The following PUM3 variants were observed in gnomAD, a reference collection of about 807,000 sequenced individuals.
PUM3 encodes the protein pumilio RNA binding family member 3.
PUM3 carries 91 observed loss-of-function variants against 84.0 expected under a neutral mutation model. That is an observed-to-expected ratio of 1.08 (90% confidence interval 0.91 to 1.29). The LOEUF (loss-of-function observed/expected upper bound fraction) is 1.29. Among genes scored for constraint, PUM3 ranks in the 50% most tolerant of loss-of-function variants. PUM3 has a pLI of 0.00. For missense variants in PUM3, 1,067 were observed against 767.5 expected, an observed-to-expected ratio of 1.39 and a Z score of -4.61; for synonymous variants, 321 against 266.7, an observed-to-expected ratio of 1.20 and a Z score of -1.98.
At chr9:2,831,722 T>C (rs1815986752) in intron 5 of PUM3, among the ~76,000 whole-genome samples, 1 of 152,214 alleles carries the variant, frequency 6.6e-6, no homozygotes, top group African/African-American at 2.4e-5. Context: ...TCTGTTACTG[T>C]ATGATTTTTA....
chr9:2,815,575 G>A (rs891972320), intron 13 of PUM3, among the ~76,000 whole-genome samples: 2 of 152,206 alleles, frequency 1.3e-5, no homozygotes, highest in African/African-American at 4.8e-5. Flanking sequence ...AAAAGGAAAT[G>A]ATACACCTGC....
rs571369595 is a variant in PUM3 at position 2,807,038 on chromosome 9, C to A, written c.1814+776G>T. Among the ~76,000 whole-genome samples the A allele has an allele frequency of 4.6e-5, 7 of 151,968 alleles. No homozygotes were observed. In the East Asian group the frequency reaches 1.4e-3, roughly 30 times the overall value. Reference sequence around the variant, plus strand: ...CCTGGCTAACACGGTGAAACCAGGTCTCTACTAAAAATAAAAAAAATTAGC... The same window carrying A: ...CCTGGCTAACACGGTGAAACCAGGTATCTACTAAAAATAAAAAAAATTAGC... On this transcript the variant is annotated intron_variant, in intron 17 of 17. Coordinates refer to ENST00000397885, the MANE Select transcript of PUM3 (RefSeq NM_014878.5).
chr9:2,825,328 T>A (rs1040285277), intron 10 of PUM3, among the ~76,000 whole-genome samples: 4 of 152,178 alleles, frequency 2.6e-5, no homozygotes, highest in African/African-American at 9.6e-5. Context: ...CACGCTTACA[T>A]AACATTTCCT....
chr9:2,820,172 T>C, intron 12 of PUM3, 74 bp from the exon 13 acceptor site: 1 of 816,890 alleles, frequency 1.2e-6, no homozygotes, highest in South Asian at 1.6e-5. Flanking sequence ...ACATGGAATA[T>C]CTTCATAAAG....
At position 2,831,267 on chromosome 9, in the gene PUM3, A is replaced by G. The variant is rs1392462007; in HGVS notation, c.594T>C (p.Ala198=). The G allele has an allele frequency of 4.4e-6, 7 of 1,600,280 alleles. No individual in the cohort carries two copies. The highest frequency in any genetic ancestry group is 1.7e-5 in the Admixed American group (1 of 58,784). ...QYGNEEQRKQ[A]FEELRDDLVE... Reference sequence around the variant, plus strand: ...AATAAATACCTCGCAATTCTTCAAAAGCCTGTTTTCTCTGTTCTTCATTAC... The same window carrying G: ...AATAAATACCTCGCAATTCTTCAAAGGCCTGTTTTCTCTGTTCTTCATTAC... The change falls in exon 6 of 18, where the codon GCT becomes GCC. Residue 198 remains alanine, a synonymous_variant. Transcript: ENST00000397885.
intron 13 of PUM3, among the ~76,000 whole-genome samples, chr9:2,816,109 A>T (rs929595035): frequency 6.6e-6 from 1 of 151,800 alleles, no homozygotes; most frequent in Non-Finnish European, 1.5e-5. Context: ...CAACCCATCC[A>T]TGGTGCTGAA....
At chr9:2,838,193 A>C (rs960363890) in intron 2 of PUM3, among the ~76,000 whole-genome samples, 2 of 152,246 alleles carry the variant, frequency 1.3e-5, no homozygotes, top group African/African-American at 4.8e-5. Flanking sequence ...AGGCAACAGC[A>C]GCAACAACTG....
At chr9:2,831,147 C>T (rs73639497) in intron 6 of PUM3, 104 bp downstream of exon 6, 57,662 of 1,003,592 alleles carry the variant, frequency 0.057, 2,428 homozygotes, top group African/African-American at 0.18. Context: ...CTGGAGAAGA[C>T]AAACCTAAAC....
intron 1 of PUM3, among the ~76,000 whole-genome samples, chr9:2,840,599 T>C (rs1816242160): frequency 6.6e-6 from 1 of 152,244 alleles, no homozygotes; most frequent in Non-Finnish European, 1.5e-5. Context: ...TTTACTTGTA[T>C]CATATAGTCT....
At chr9:2,809,827 C>T (rs1483494105) in intron 16 of PUM3, among the ~76,000 whole-genome samples, 1 of 152,164 alleles carries the variant, frequency 6.6e-6, no homozygotes, top group African/African-American at 2.4e-5. Flanking sequence ...CCAGAAAGCG[C>T]CAAAGACTGG....
chr9:2,820,917 C>G (rs1431128071), intron 12 of PUM3, among the ~76,000 whole-genome samples: 1 of 152,098 alleles, frequency 6.6e-6, no homozygotes, highest in African/African-American at 2.4e-5. Flanking sequence ...AAACAAAAAC[C>G]TGTTTCCAGA....
chr9:2,833,748 A>T (rs940904641), intron 4 of PUM3, among the ~76,000 whole-genome samples: 1 of 152,250 alleles, frequency 6.6e-6, no homozygotes, highest in African/African-American at 2.4e-5. Flanking sequence ...CTAGCTGATA[A>T]GAAATTGTCC....
chr9:2,843,769 G>A (rs536691334), intron 1 of PUM3, among the ~76,000 whole-genome samples: 1 of 151,754 alleles, frequency 6.6e-6, no homozygotes, highest in African/African-American at 2.4e-5. Flanking sequence ...TAGTAGAGAC[G>A]GGGTTTCACC....
intron 3 of PUM3, among the ~76,000 whole-genome samples, chr9:2,836,322 A>G (rs953849256): frequency 1.8e-4 from 28 of 152,294 alleles, no homozygotes; most frequent in Middle Eastern, 3.4e-3. Context: ...AATAAAAGGC[A>G]CCAGAAAAAT....
In PUM3 at chr9:2,822,440, C is replaced by G. The variant is rs1815671461; in HGVS notation, c.1188+1341G>C. Among the ~76,000 whole-genome samples the G allele has an allele frequency of 3.9e-5, 6 of 152,048 alleles. No individual in the cohort carries two copies. In the South Asian group the frequency reaches 1.2e-3, roughly 32 times the overall value. On this transcript the variant is annotated intron_variant, in intron 12 of 17. Transcript: ENST00000397885. Reference sequence around the variant, plus strand: ...TAATAATTCCAAATAATCCATGGATCAAATCCATGGGTAACGTTAGCTTAT... The same window carrying G: ...TAATAATTCCAAATAATCCATGGATGAAATCCATGGGTAACGTTAGCTTAT...
intron 1 of PUM3, among the ~76,000 whole-genome samples, chr9:2,842,299 G>A (rs937276195): frequency 7.3e-5 from 11 of 151,712 alleles, no homozygotes; most frequent in Admixed American, 1.3e-4. Flanking sequence ...TCCACTTTCC[G>A]CTGCCTGATT....
At chr9:2,825,633 C>A (rs1815796140) in intron 10 of PUM3, among the ~76,000 whole-genome samples, 1 of 152,054 alleles carries the variant, frequency 6.6e-6, no homozygotes, top group Non-Finnish European at 1.5e-5. Flanking sequence ...CAGGTGCCCG[C>A]CACCACCCCC....
rs1026039063 is a variant in PUM3, at chr9:2,823,823, C to A, written c.1146G>T (p.Val382=). The A allele has an allele frequency of 6.5e-7, 1 of 1,533,086 alleles. No homozygotes were observed. The allele number at this position is 1,533,086 out of a possible 1,614,324, so 95.0% of individuals were successfully genotyped here. A position where few individuals can be genotyped will look rare whatever the true frequency, so the allele number is the denominator to read the frequency against. Residue 382 remains valine (V), a synonymous_variant, in exon 12 of 18, where the codon GTG becomes GTT. Transcript: ENST00000397885. ...LWHGTPKDRK[V]IVKTMKTYVE... is the part of the protein sequence containing the mutation. ...CATAAGTCTTCATTGTTTTCACAAT[C>A]ACTTTCCTGTCCTTAAAAAGGAAAG...
chr9:2,811,791 C>G (rs1821381153), intron 14 of PUM3, among the ~76,000 whole-genome samples: 1 of 150,874 alleles, frequency 6.6e-6, no homozygotes. Flanking sequence ...CTGAATAGTG[C>G]CTGGCACAGA....
Sources: gnomAD v4.1 joint callset for allele counts (sites outside exome capture counted in the v4.1 genomes callset) on GRCh38, gnomAD v4.1.1 for gene constraint, MANE v1.5 for transcripts, NCBI Gene and HGNC (gene_info 2026-07-23, HGNC 2026-07-21) for gene names.